Variants in LY9 observed in about 807,000 individuals in gnomAD.
LY9 encodes T-lymphocyte surface antigen Ly-9.
Under a neutral mutation model 64.6 loss-of-function variants are expected in LY9, and 59 were observed. The ratio of observed to expected loss-of-function variants is 0.91; its 90% confidence interval spans 0.74 to 1.13. LY9 has a LOEUF of 1.13. Ranked by LOEUF, LY9 falls within the 50% of genes most tolerant of loss-of-function variation. The pLI, the probability that LY9 is intolerant of heterozygous loss-of-function variation, is 0.00. For synonymous variants in LY9, 281 were observed against 308.5 expected, an observed-to-expected ratio of 0.91 and a Z score of 0.93; for missense variants, 789 against 797.2, an observed-to-expected ratio of 0.99 and a Z score of 0.12.
chr1:160,797,897 T>C (rs1666049353), intron 1 of LY9, among the ~76,000 whole-genome samples: 1 of 151,590 alleles, frequency 6.6e-6, no homozygotes, highest in Admixed American at 6.6e-5. Flanking sequence ...ACACGTATAG[T>C]GGCACATAGT....
chr1:160,806,936 A>AT (rs1261620942), intron 2 of LY9, among the ~76,000 whole-genome samples: 2 of 151,918 alleles, frequency 1.3e-5, no homozygotes, highest in Admixed American at 6.6e-5. Flanking sequence ...TTATTTATTT[A>AT]TTTTTTGTTT....
chr1:160,813,991 G>T, intron 3 of LY9, 80 bp downstream of exon 3: 1 of 1,448,258 alleles, frequency 6.9e-7, no homozygotes, highest in Non-Finnish European at 9.4e-7. Flanking sequence ...TAGGATCCTG[G>T]TCAGACACAC....
chr1:160,816,693 C>T lies in LY9; in HGVS notation c.1172C>T (p.Thr391Ile). The T allele has an allele frequency of 6.2e-7, 1 of 1,614,228 alleles. No homozygotes were observed. Among genetic ancestry groups the T allele is most frequent in the Non-Finnish European group, 8.5e-7 (1 of 1,180,030 alleles). ...TGCTCCGTGGAGGACGGGGGAAACA[C>T]TGTCATGTACACATGGACCCCGCTG... ...LTCSVEDGGN[T>I]VMYTWTPLQK... The change falls in exon 5 of 10, where the codon ACT (threonine) becomes ATT (isoleucine). Residue 391 changes from threonine to isoleucine, a missense_variant. By Grantham distance (89) the Thr-to-Ile change is moderately conservative. Coordinates refer to ENST00000263285, the MANE Select transcript of LY9 (RefSeq NM_002348.4).
chr1:160,796,391 T>TTTTTTTTG (rs1665862087), intron 1 of LY9, 80 bp downstream of exon 1: 3 of 1,499,210 alleles, frequency 2.0e-6, no homozygotes, highest in Non-Finnish European at 2.7e-6. Flanking sequence ...GGGAGATTCT[T>TTTTTTTTG]TTTTTTGTTT....
At chr1:160,819,466 G>A (rs1008404509) in intron 7 of LY9, 92 bp downstream of exon 7, 1 of 1,125,876 alleles carries the variant, frequency 8.9e-7, no homozygotes, top group East Asian at 2.4e-5. Flanking sequence ...CTGGCCAGCA[G>A]TGTGGGCATC....
intron 7 of LY9, among the ~76,000 whole-genome samples, chr1:160,821,635 A>T (rs933874235): frequency 6.6e-6 from 1 of 152,190 alleles, no homozygotes; most frequent in Non-Finnish European, 1.5e-5. Context: ...ATAGCCCCTA[A>T]TGGCCTTTGT....
intron 2 of LY9, among the ~76,000 whole-genome samples, chr1:160,806,402 T>C (rs574515201): frequency 6.6e-6 from 1 of 152,328 alleles, no homozygotes; most frequent in East Asian, 1.9e-4. Context: ...TGCTTCTGGG[T>C]TTAGGATTCC....
chr1:160,799,751 A>G lies in LY9; in HGVS notation c.125-2A>G, dbSNP rs1666262667. ...CTCCAAGTCCCTCTTCTATCTCTGCAGGACTAAGAGCCTCTGGAAAGGACT... is the reference window on the plus strand; with the variant it reads ...CTCCAAGTCCCTCTTCTATCTCTGCGGGACTAAGAGCCTCTGGAAAGGACT... On this transcript the variant is annotated splice_acceptor_variant, in intron 1 of 9. Transcript: ENST00000263285. LOFTEE classifies it high-confidence loss of function. The G allele has an allele frequency of 6.2e-7, 1 of 1,604,414 alleles. No individual in the cohort carries two copies. Among genetic ancestry groups the G allele is most frequent in the Non-Finnish European group, 8.5e-7 (1 of 1,172,992 alleles).
At chr1:160,824,869 T>C (rs1473439680) in intron 9 of LY9, among the ~76,000 whole-genome samples, 1 of 151,226 alleles carries the variant, frequency 6.6e-6, no homozygotes, top group Non-Finnish European at 1.5e-5. Context: ...TAGTTCCAAC[T>C]ACTCAGAGAC....
rs955182835 is a variant in LY9 at position 160,799,941 on chromosome 1, G to A, written c.313G>A (p.Gly105Ser). ...NVTIMVKSYL[G>S]RLDITKWSYS... ...AACCATTATGGTCAAAAGCTACCTG[G>A]GCCGACTAGACATCACCAAGTGGAG... The change falls in exon 2 of 10, where the codon GGC (glycine) becomes AGC (serine). Residue 105 changes from glycine to serine, a missense_variant. Gly to Ser is a moderately conservative substitution (Grantham distance 56, BLOSUM62 0). Transcript: ENST00000263285. 8 of 1,613,462 alleles carry A rather than the reference G, an allele frequency of 5.0e-6. No individual in the cohort carries two copies. In the African/African-American group the frequency reaches 9.3e-5, roughly 19 times the overall value.
In LY9 at chr1:160,826,362, G is replaced by A. The variant is rs191481822; in HGVS notation, c.1900-1386G>A. Among the ~76,000 whole-genome samples, 870 of 152,190 alleles carry A rather than the reference G, an allele frequency of 5.7e-3. 5 individuals carry two copies. Among genetic ancestry groups the A allele is most frequent in the Non-Finnish European group, 8.3e-3 (563 of 68,010 alleles). The stretch of plus-strand genomic sequence containing the variant: ...GAGAGGCAGGCACACTCAGTGTGAT[G>A]TTTATTGAAAAAAAATCTGCATATA... On this transcript the variant is annotated intron_variant, in intron 9 of 9. Transcript: ENST00000263285.
chr1:160,814,531 T>G lies in LY9; in HGVS notation c.842T>G (p.Val281Gly). 1.2e-6 allele frequency: 2 copies of G among 1,614,150 alleles called. No individual in the cohort carries two copies. Among genetic ancestry groups the G allele is most frequent in the Admixed American group, 1.7e-5 (1 of 60,020 alleles). The change falls in exon 4 of 10, where the codon GTC becomes GGC. Residue 281 changes from valine (V) to glycine (G), a missense_variant. Transcript: ENST00000263285. ...LPACRDTEKV[V>G]WLFNTSIISK... Reference sequence around the variant, plus strand: ...GCCTGCCGGGACACAGAGAAGGTTGTCTGGTTGTTTAACACATCCATCATT... The same window carrying G: ...GCCTGCCGGGACACAGAGAAGGTTGGCTGGTTGTTTAACACATCCATCATT...
At chr1:160,798,374 T>G (rs1243103601) in intron 1 of LY9, among the ~76,000 whole-genome samples, 3 of 152,170 alleles carry the variant, frequency 2.0e-5, no homozygotes, top group Non-Finnish European at 2.9e-5. Context: ...ATTCTCTAAA[T>G]TTCAGCTCCT....
Position 160,827,875 on chromosome 1 carries a change from C to T in LY9, c.*59C>T, listed in dbSNP as rs1668944718. 1.4e-6 allele frequency: 2 copies of T among 1,383,874 alleles called. No individual in the cohort carries two copies. Among genetic ancestry groups the T allele is most frequent in the South Asian group, 1.2e-5 (1 of 81,874 alleles). 85.7% of individuals were successfully genotyped at this position (1,383,874 alleles called of 1,614,324 possible). A position where few individuals can be genotyped will look rare whatever the true frequency, so the allele number is the denominator to read the frequency against. Reference sequence around the variant, plus strand: ...CGTGGGGTTGGAAAGTCAGCTGGACCTCATGGGGCCTGGGGCTCACAGACA... The same window carrying T: ...CGTGGGGTTGGAAAGTCAGCTGGACTTCATGGGGCCTGGGGCTCACAGACA... On this transcript the variant is annotated 3_prime_UTR_variant, in exon 10 of 10. Transcript: ENST00000263285.
chr1:160,801,787 C>T (rs1558084441), intron 2 of LY9: 2 of 1,608,560 alleles, frequency 1.2e-6, no homozygotes, highest in Non-Finnish European at 1.7e-6. Context: ...TCAATTTTCC[C>T]AGCACCATTT....
chr1:160,804,198 C>G (rs1308148617), intron 2 of LY9, among the ~76,000 whole-genome samples: 1 of 152,046 alleles, frequency 6.6e-6, no homozygotes, highest in African/African-American at 2.4e-5. Flanking sequence ...TCAGCTTTTC[C>G]CCATTTGGTA....
chr1:160,809,361 T>TTATTAC (rs371870875), intron 2 of LY9, among the ~76,000 whole-genome samples: 5,149 of 147,078 alleles, frequency 0.035, 125 homozygotes, highest in African/African-American at 0.056. Flanking sequence ...ATTATTATTA[T>TTATTAC]TACTACTACT....
At chr1:160,797,534 G>T (rs1666006756) in intron 1 of LY9, among the ~76,000 whole-genome samples, 1 of 152,122 alleles carries the variant, frequency 6.6e-6, no homozygotes, top group Non-Finnish European at 1.5e-5. Flanking sequence ...TACATTCAAG[G>T]TCATCCAAGC....
chr1:160,803,238 C>G (rs1052927539), intron 2 of LY9, among the ~76,000 whole-genome samples: 1 of 151,942 alleles, frequency 6.6e-6, no homozygotes, highest in East Asian at 1.9e-4. Context: ...GCCAAGATCA[C>G]GCCACTGAAT....
Sources: gnomAD v4.1 joint callset for allele counts (sites outside exome capture counted in the v4.1 genomes callset) on GRCh38, gnomAD v4.1.1 for gene constraint, MANE v1.5 for transcripts, NCBI Gene and HGNC (gene_info 2026-07-23, HGNC 2026-07-21) for gene names.